The following CSMD1 variants were observed in gnomAD, a reference collection of about 807,000 sequenced individuals.
CSMD1 encodes CUB and sushi domain-containing protein 1.
CSMD1 carries 213 observed loss-of-function variants against 417.5 expected under a neutral mutation model. The observed-to-expected ratio is 0.51, with a 90% confidence interval of 0.46 to 0.57. CSMD1 has a LOEUF of 0.57. Ranked by LOEUF, CSMD1 falls within the 20% of genes least tolerant of loss-of-function variation. The pLI is 0.00. For synonymous variants in CSMD1, 2,862 were observed against 1,736.8 expected, an observed-to-expected ratio of 1.65 and a Z score of -16.11; for missense variants, 6,923 against 4,529.7, an observed-to-expected ratio of 1.53 and a Z score of -15.17.
At chr8:4,785,806 A>G (rs1320545331) in intron 1 of CSMD1, among the ~76,000 whole-genome samples, 1 of 152,160 alleles carries the variant, frequency 6.6e-6, no homozygotes, top group Non-Finnish European at 1.5e-5. Flanking sequence ...TGTTGCCCAG[A>G]CTCGTTAAAT....
At chr8:3,997,072 C>G (rs1444870346) in intron 5 of CSMD1, among the ~76,000 whole-genome samples, 1 of 152,182 alleles carries the variant, frequency 6.6e-6, no homozygotes, top group Non-Finnish European at 1.5e-5. Flanking sequence ...CATACCCATT[C>G]TTGTTTAGTC....
Position 3,396,260 on chromosome 8 carries a change from A to C in CSMD1, c.2527T>G (p.Phe843Val). 1 of 1,586,498 alleles carries C rather than the reference A, an allele frequency of 6.3e-7. No individual in the cohort carries two copies. The highest frequency in any genetic ancestry group is 8.6e-7 in the Non-Finnish European group (1 of 1,166,134). Reference protein sequence around the residue: ...APQFLISTGNFMYLLFTTDNS... With the variant: ...APQFLISTGNVMYLLFTTDNS... ...TCAGTGGTGAACAGCAGGTACATGA[A>C]GTTCCCGGTGCTGATGAGGAACTGG... Residue 843 changes from phenylalanine to valine, a missense_variant, in exon 17 of 70, where the codon TTC (phenylalanine) becomes GTC (valine). Transcript: ENST00000635120.
chr8:3,956,584 A>G (rs1811964078), intron 5 of CSMD1, among the ~76,000 whole-genome samples: 1 of 152,234 alleles, frequency 6.6e-6, no homozygotes, highest in Admixed American at 6.5e-5. Context: ...ACTGTGCCCC[A>G]TGTTTTGCAT....
intron 10 of CSMD1, among the ~76,000 whole-genome samples, chr8:3,528,471 A>T (rs1014773770): frequency 7.2e-5 from 11 of 152,186 alleles, no homozygotes; most frequent in Admixed American, 6.5e-4. Context: ...TCAGCTTCCA[A>T]ACCTTGAGGA....
chr8:3,072,117 T>A (rs1195114126), intron 49 of CSMD1, among the ~76,000 whole-genome samples: 1 of 152,104 alleles, frequency 6.6e-6, no homozygotes, highest in African/African-American at 2.4e-5. Flanking sequence ...AGAGTAAGAG[T>A]GAATGGCAGA....
chr8:4,014,083 C>G (rs1053672897), intron 4 of CSMD1, among the ~76,000 whole-genome samples: 1 of 152,162 alleles, frequency 6.6e-6, no homozygotes, highest in African/African-American at 2.4e-5. Context: ...TTTTGAGCAT[C>G]ATTTCAATGC....
chr8:4,703,040 T>A (rs917038000), intron 1 of CSMD1, among the ~76,000 whole-genome samples: 1 of 152,224 alleles, frequency 6.6e-6, no homozygotes, highest in East Asian at 1.9e-4. Flanking sequence ...TTATTTATAA[T>A]GTTCACAGTT....
At position 4,928,015 on chromosome 8, in the gene CSMD1, C is replaced by T. The variant is rs28542459; in HGVS notation, c.85+66317G>A. Among the ~76,000 whole-genome samples the T allele has an allele frequency of 2.8e-4, 43 of 152,272 alleles. No individual in the cohort carries two copies. The East Asian group carries it at 6.4e-3, about 23-fold the overall frequency. ...CCCGAGTCACACCCCACATCCTCAG[C>T]GGCAAAAGTAGAAATCCTTCCCTGA... On this transcript the variant is annotated intron_variant, in intron 1 of 69. Coordinates refer to ENST00000635120, the MANE Select transcript of CSMD1 (RefSeq NM_033225.6).
chr8:3,809,782 G>A (rs993734912), intron 5 of CSMD1, among the ~76,000 whole-genome samples: 1 of 152,076 alleles, frequency 6.6e-6, no homozygotes, highest in Non-Finnish European at 1.5e-5. Flanking sequence ...TAGAATGGGG[G>A]GTTCTATGTC....
At chr8:4,238,856 T>C (rs1161948860) in intron 3 of CSMD1, among the ~76,000 whole-genome samples, 1 of 152,186 alleles carries the variant, frequency 6.6e-6, no homozygotes, top group African/African-American at 2.4e-5. Context: ...TTTTTAAAAA[T>C]CGATAGCAAA....
At chr8:4,026,302 G>C (rs959985613) in intron 4 of CSMD1, among the ~76,000 whole-genome samples, 1 of 152,122 alleles carries the variant, frequency 6.6e-6, no homozygotes, top group African/African-American at 2.4e-5. Flanking sequence ...ACCAGACACT[G>C]AGAAAAGCAA....
At chr8:4,232,323 C>T (rs1416504300) in intron 3 of CSMD1, among the ~76,000 whole-genome samples, 3 of 152,054 alleles carry the variant, frequency 2.0e-5, no homozygotes, top group Non-Finnish European at 2.9e-5. Flanking sequence ...CTCAGCCTCC[C>T]TAGTACCTGG....
At chr8:4,097,381 G>C (rs953948815) in intron 3 of CSMD1, among the ~76,000 whole-genome samples, 11 of 152,156 alleles carry the variant, frequency 7.2e-5, no homozygotes, top group Non-Finnish European at 1.5e-4. Flanking sequence ...CCACACACGG[G>C]TGTTATAAGA....
At chr8:3,503,576 T>A (rs973966000) in intron 10 of CSMD1, among the ~76,000 whole-genome samples, 1 of 152,210 alleles carries the variant, frequency 6.6e-6, no homozygotes, top group Non-Finnish European at 1.5e-5. Flanking sequence ...ATCCCCGCCC[T>A]CAGGGCCCTG....
intron 3 of CSMD1, among the ~76,000 whole-genome samples, chr8:4,066,687 A>T (rs1390030309): frequency 6.6e-6 from 1 of 152,154 alleles, no homozygotes; most frequent in East Asian, 1.9e-4. Flanking sequence ...TATTCTATCC[A>T]ACCTGAAATT....
chr8:3,942,152 C>T (rs1332214780), intron 5 of CSMD1, among the ~76,000 whole-genome samples: 3 of 151,910 alleles, frequency 2.0e-5, no homozygotes, highest in Admixed American at 1.3e-4. Flanking sequence ...CAGATGGGAC[C>T]ATCTAGTTGC....
At chr8:3,760,062 C>A (rs529934633) in intron 5 of CSMD1, among the ~76,000 whole-genome samples, 1 of 152,124 alleles carries the variant, frequency 6.6e-6, no homozygotes, top group African/African-American at 2.4e-5. Context: ...CTTGCCAGGT[C>A]AGGGATATTG....
intron 10 of CSMD1, among the ~76,000 whole-genome samples, chr8:3,503,935 T>C (rs1000932378): frequency 6.6e-6 from 1 of 151,180 alleles, no homozygotes; most frequent in Non-Finnish European, 1.5e-5. Flanking sequence ...AGTGAGAATA[T>C]GGAGGCGGGG....
intron 5 of CSMD1, among the ~76,000 whole-genome samples, chr8:3,802,964 G>C (rs1800538827): frequency 6.6e-6 from 1 of 152,076 alleles, no homozygotes; most frequent in Admixed American, 6.6e-5. Flanking sequence ...AGCCAAAAAT[G>C]TTCATGATCA....
Sources: gnomAD v4.1 joint callset for allele counts (sites outside exome capture counted in the v4.1 genomes callset) on GRCh38, gnomAD v4.1.1 for gene constraint, MANE v1.5 for transcripts, NCBI Gene and HGNC (gene_info 2026-07-23, HGNC 2026-07-21) for gene names.